TMTC2: variants seen among roughly 807,000 people sequenced by gnomAD.
TMTC2 encodes the protein transmembrane O-mannosyltransferase targeting cadherins 2, also known as protein O-mannosyl-transferase TMTC2.
A neutral mutation model predicts 82.4 loss-of-function variants in TMTC2; 43 were observed. The observed-to-expected ratio is 0.52, with a 90% confidence interval of 0.41 to 0.67. The LOEUF (loss-of-function observed/expected upper bound fraction) is 0.67. Among genes scored for constraint, TMTC2 ranks in the 30% least tolerant of loss-of-function variants. The pLI is 0.00. For synonymous variants in TMTC2, 408 were observed against 381.9 expected (o/e 1.07, Z -0.80); for missense variants, 919 against 1,012.4 (o/e 0.91, Z 1.25).
chr12:83,004,505 GGC>G, intron 8 of TMTC2, among the ~76,000 whole-genome samples: 1 of 152,068 alleles, frequency 6.6e-6, no homozygotes, highest in East Asian at 1.9e-4. Flanking sequence ...CATCTGAGAG[GGC>G]TGGTGTTCCT....
At chr12:83,073,904 T>TTGCATTG (rs1187603586) in intron 11 of TMTC2, among the ~76,000 whole-genome samples, 2 of 152,224 alleles carry the variant, frequency 1.3e-5, no homozygotes, top group Non-Finnish European at 2.9e-5. Flanking sequence ...TTGGATTTCC[T>TTGCATTG]TGCATTGTGC....
rs79084778 is a variant in TMTC2, at chr12:82,971,733, T to G, written c.1948+4736T>G. Among the ~76,000 whole-genome samples, 613 of 151,644 alleles carry G rather than the reference T, an allele frequency of 4.0e-3. 1 individual carries two copies. The highest frequency in any genetic ancestry group is 0.014 in the African/African-American group (577 of 41,328). On this transcript the variant is annotated intron_variant, in intron 7 of 11. Transcript: ENST00000321196. The stretch of plus-strand genomic sequence containing the variant: ...GAGAACAAAAGGGCATAATGTATTA[T>G]ACGGAGTAAGAGAGAGCCTAGGGTA...
At chr12:82,819,497 C>CTTTTTT (rs766912583) in intron 1 of TMTC2, among the ~76,000 whole-genome samples, 95 of 118,210 alleles carry the variant, frequency 8.0e-4, no homozygotes, top group Non-Finnish European at 1.1e-3. Flanking sequence ...TTCTCTCTTT[C>CTTTTTT]TTTTTTTTTT....
chr12:82,982,166 T>G (rs1366099444), intron 7 of TMTC2, among the ~76,000 whole-genome samples: 1 of 151,856 alleles, frequency 6.6e-6, no homozygotes, highest in Admixed American at 6.6e-5. Flanking sequence ...ATAATAAATT[T>G]TATATGGCAG....
intron 9 of TMTC2, among the ~76,000 whole-genome samples, chr12:83,042,409 C>G (rs1044694846): frequency 1.3e-5 from 2 of 152,194 alleles, no homozygotes; most frequent in Non-Finnish European, 2.9e-5. Context: ...TATTCCTCGT[C>G]TAGTTGCATC....
At chr12:83,113,454 G>A (rs1341793633) in intron 11 of TMTC2, among the ~76,000 whole-genome samples, 2 of 152,230 alleles carry the variant, frequency 1.3e-5, no homozygotes, top group Admixed American at 6.5e-5. Flanking sequence ...AAGGCAAAAT[G>A]TGCAGTAGAA....
At chr12:82,808,471 G>A (rs1480985013) in intron 1 of TMTC2, among the ~76,000 whole-genome samples, 2 of 151,946 alleles carry the variant, frequency 1.3e-5, no homozygotes, top group East Asian at 3.9e-4. Context: ...TCTTTAACCA[G>A]GTAGTGAAGG....
intron 4 of TMTC2, among the ~76,000 whole-genome samples, chr12:82,937,750 G>GTGTGTATATATA (rs1876420668): frequency 9.4e-6 from 1 of 106,046 alleles, no homozygotes. Context: ...GTGTGTGTGT[G>GTGTGTATATATA]TATATATATA....
At chr12:83,035,734 T>C (rs932437815) in intron 9 of TMTC2, among the ~76,000 whole-genome samples, 6 of 152,128 alleles carry the variant, frequency 3.9e-5, no homozygotes, top group African/African-American at 1.4e-4. Flanking sequence ...ATTCAAGGGA[T>C]TCTCTGTGAA....
intron 3 of TMTC2, among the ~76,000 whole-genome samples, chr12:82,897,400 G>A (rs1873739676): frequency 6.6e-6 from 1 of 152,162 alleles, no homozygotes; most frequent in African/African-American, 2.4e-5. Flanking sequence ...TATGACAATG[G>A]ATGACTCTAG....
intron 11 of TMTC2, among the ~76,000 whole-genome samples, chr12:83,072,124 C>A (rs774828159): frequency 6.6e-6 from 1 of 152,076 alleles, no homozygotes; most frequent in Admixed American, 6.5e-5. Context: ...CTCTTTCAGT[C>A]TCTTTGATGT....
At chr12:83,021,586 C>A (rs1342168831) in intron 8 of TMTC2, among the ~76,000 whole-genome samples, 1 of 122,458 alleles carries the variant, frequency 8.2e-6, no homozygotes, top group African/African-American at 2.8e-5. Flanking sequence ...CAGAGTGAGA[C>A]CCCATCTATA....
intron 1 of TMTC2, among the ~76,000 whole-genome samples, chr12:82,805,490 C>A (rs1879198801): frequency 6.8e-6 from 1 of 146,834 alleles, no homozygotes; most frequent in African/African-American, 2.5e-5. Context: ...TTACTCTCCT[C>A]TCCCCACTTT....
chr12:83,025,821 A>G (rs11115545), intron 8 of TMTC2, among the ~76,000 whole-genome samples: 89,758 of 151,956 alleles, frequency 0.59, 27,041 homozygotes, highest in South Asian at 0.73. Flanking sequence ...AAATTATTAC[A>G]GAGGATATTT....
At chr12:83,071,923 G>C (rs1004605572) in intron 11 of TMTC2, among the ~76,000 whole-genome samples, 4 of 151,946 alleles carry the variant, frequency 2.6e-5, no homozygotes, top group Non-Finnish European at 5.9e-5. Context: ...CTTGCTAAAG[G>C]TCTATCAATT....
chr12:83,092,381 T>A (rs1287149683), intron 11 of TMTC2, among the ~76,000 whole-genome samples: 2 of 152,194 alleles, frequency 1.3e-5, no homozygotes, highest in Non-Finnish European at 2.9e-5. Context: ...CCCAGTGTGT[T>A]GGAAAACAAA....
intron 4 of TMTC2, among the ~76,000 whole-genome samples, chr12:82,964,482 T>C (rs915770559): frequency 2.0e-5 from 3 of 152,150 alleles, no homozygotes; most frequent in African/African-American, 7.2e-5. Flanking sequence ...GTGATGTTGA[T>C]AGCCTTCAGT....
intron 1 of TMTC2, among the ~76,000 whole-genome samples, chr12:82,708,349 C>T (rs955672767): frequency 2.0e-5 from 3 of 152,152 alleles, no homozygotes; most frequent in Non-Finnish European, 2.9e-5. Flanking sequence ...AGTGAAAGCT[C>T]AAGGTCAGAC....
At position 82,965,757 on chromosome 12, in the gene TMTC2, C is replaced by T; in HGVS notation, c.1869+13C>T. 6.2e-7 allele frequency: 1 copy of T among 1,613,128 alleles called. No individual in the cohort carries two copies. Among genetic ancestry groups the T allele is most frequent in the Non-Finnish European group, 8.5e-7 (1 of 1,179,696 alleles). ...GGGACACTATGAGGTCTGGCCAATG[C>T]CTCTCTGTCCTTTTCCCTCCCCCTT... On this transcript the variant is annotated intron_variant, in intron 6 of 11. Transcript: ENST00000321196.
Sources: gnomAD v4.1 joint callset for allele counts (sites outside exome capture counted in the v4.1 genomes callset) on GRCh38, gnomAD v4.1.1 for gene constraint, MANE v1.5 for transcripts, NCBI Gene and HGNC (gene_info 2026-07-23, HGNC 2026-07-21) for gene names.